The following GRID2 variants were observed in gnomAD, a reference collection of about 807,000 sequenced individuals.
GRID2 encodes the protein glutamate receptor ionotropic, delta-2.
GRID2 carries 33 observed loss-of-function variants against 114.8 expected under a neutral mutation model. The observed-to-expected ratio is 0.29, with a 90% CI of 0.22 to 0.38. The LOEUF is 0.38. Ranked by LOEUF, GRID2 falls within the 10% of genes least tolerant of loss-of-function variation. The pLI, the probability that GRID2 is intolerant of heterozygous loss-of-function variation, is 1.00. For synonymous variants in GRID2, 505 were observed against 449.9 expected (o/e 1.12, Z -1.55); for missense variants, 1,184 against 1,257.7 (o/e 0.94, Z 0.89).
chr4:93,400,892 A>G (rs1274308624), intron 9 of GRID2, among the ~76,000 whole-genome samples: 4 of 152,054 alleles, frequency 2.6e-5, no homozygotes, highest in African/African-American at 9.7e-5. Flanking sequence ...GCTGGAGTAC[A>G]GTGGCATGAT....
chr4:92,449,925 A>C (rs111824571), intron 1 of GRID2, among the ~76,000 whole-genome samples: 57 of 151,814 alleles, frequency 3.8e-4, no homozygotes, highest in African/African-American at 1.4e-3. Context: ...ATTTCAGAGA[A>C]AGCAATTAGA....
At chr4:92,947,434 A>G (rs946059026) in intron 2 of GRID2, among the ~76,000 whole-genome samples, 2 of 152,074 alleles carry the variant, frequency 1.3e-5, no homozygotes, top group East Asian at 1.9e-4. Context: ...AGATTTGTCA[A>G]TTTTCCATTT....
intron 13 of GRID2, among the ~76,000 whole-genome samples, chr4:93,527,670 T>C (rs114834925): frequency 0.034 from 5,238 of 152,174 alleles, 281 homozygotes; most frequent in African/African-American, 0.12. Context: ...CAAATTTTTA[T>C]TGAAATTTTA....
At chr4:93,156,527 T>C (rs1414690741) in intron 4 of GRID2, among the ~76,000 whole-genome samples, 1 of 151,794 alleles carries the variant, frequency 6.6e-6, no homozygotes, top group East Asian at 1.9e-4. Context: ...GATGTAGTGT[T>C]GACAGATCAT....
In GRID2 at chr4:92,596,221, T is replaced by TATTCATTCATTC. The variant is rs10546629; in HGVS notation, c.244+5954_244+5965dup. ...CTAGGAGATCATGTGGGTATGATTCTATTCATTCATTCATTCATTCATTCA... is the reference window on the plus strand; with the variant it reads ...CTAGGAGATCATGTGGGTATGATTCTATTCATTCATTCATTCATTCATTCATTCATTCATTCA... On this transcript the variant is annotated intron_variant, in intron 2 of 15. Transcript: ENST00000282020. Among the ~76,000 whole-genome samples, 3 of 151,222 alleles carry TATTCATTCATTC rather than the reference T, an allele frequency of 2.0e-5. No individual in the cohort carries two copies. In the South Asian group the frequency reaches 6.3e-4, roughly 32 times the overall value.
chr4:92,794,564 A>G (rs1223785575), intron 2 of GRID2, among the ~76,000 whole-genome samples: 1 of 151,858 alleles, frequency 6.6e-6, no homozygotes. Flanking sequence ...ATAAATAGTG[A>G]AACTAATTGA....
chr4:92,944,352 T>A lies in GRID2; in HGVS notation c.245-140643T>A, dbSNP rs562297561. 4.6e-5 allele frequency among the ~76,000 whole-genome samples: 7 copies of A among 152,304 alleles called. 1 individual carries two copies. The South Asian group carries it at 1.5e-3, about 32-fold the overall frequency. Reference sequence around the variant, plus strand: ...TGTGCTAGCAATGAGTGAGGCTCCGTGGGCATAGGACCCTCTGAGCCAGGT... The same window carrying A: ...TGTGCTAGCAATGAGTGAGGCTCCGAGGGCATAGGACCCTCTGAGCCAGGT... On this transcript the variant is annotated intron_variant, in intron 2 of 15. Transcript: ENST00000282020.
At chr4:92,952,698 T>C (rs1752119918) in intron 2 of GRID2, among the ~76,000 whole-genome samples, 1 of 152,214 alleles carries the variant, frequency 6.6e-6, no homozygotes, top group Non-Finnish European at 1.5e-5. Context: ...AGTCAAGTAG[T>C]AGTATCTTTC....
At chr4:92,531,986 TTATAAAAG>T (rs1725381681) in intron 1 of GRID2, among the ~76,000 whole-genome samples, 1 of 152,104 alleles carries the variant, frequency 6.6e-6, no homozygotes, top group African/African-American at 2.4e-5. Context: ...ACACAGGATT[TTATAAAAG>T]TATAAAAGAT....
chr4:92,718,902 A>G (rs1338523961), intron 2 of GRID2, among the ~76,000 whole-genome samples: 1 of 152,022 alleles, frequency 6.6e-6, no homozygotes. Context: ...TACAAAACAA[A>G]CAATTTATTG....
chr4:93,332,416 T>C (rs1378621965), intron 8 of GRID2, among the ~76,000 whole-genome samples: 1 of 151,944 alleles, frequency 6.6e-6, no homozygotes, highest in African/African-American at 2.4e-5. Context: ...ATCCCCTTTC[T>C]GTATCCACGC....
intron 9 of GRID2, among the ~76,000 whole-genome samples, chr4:93,413,309 T>C (rs572607629): frequency 1.3e-5 from 2 of 152,324 alleles, no homozygotes; most frequent in South Asian, 4.1e-4. Context: ...TGAGATAATA[T>C]CTCATTGTGG....
At chr4:93,123,618 A>G (rs1733994057) in intron 4 of GRID2, among the ~76,000 whole-genome samples, 1 of 152,170 alleles carries the variant, frequency 6.6e-6, no homozygotes, top group South Asian at 2.1e-4. Context: ...AAACCATAAG[A>G]ACAGACACAG....
chr4:92,727,831 T>C (rs927462775), intron 2 of GRID2, among the ~76,000 whole-genome samples: 4 of 152,032 alleles, frequency 2.6e-5, no homozygotes, highest in Non-Finnish European at 5.9e-5. Context: ...ATTACTAGTA[T>C]CTCCATTTTA....
intron 2 of GRID2, among the ~76,000 whole-genome samples, chr4:92,929,071 CTTT>C (rs1199474433): frequency 6.6e-6 from 1 of 151,296 alleles, no homozygotes; most frequent in Non-Finnish European, 1.5e-5. Context: ...AGTATATCTT[CTTT>C]TTATGTTTAT....
intron 6 of GRID2, among the ~76,000 whole-genome samples, chr4:93,222,588 T>C (rs993933806): frequency 3.3e-5 from 5 of 152,054 alleles, no homozygotes; most frequent in African/African-American, 9.6e-5. Context: ...TTACATTAGG[T>C]ATATCTTCTA....
chr4:92,873,007 A>G (rs1384909275), intron 2 of GRID2, among the ~76,000 whole-genome samples: 2 of 152,210 alleles, frequency 1.3e-5, no homozygotes, highest in African/African-American at 4.8e-5. Flanking sequence ...CCCAAGATGG[A>G]ATTGCTTTAG....
At chr4:92,884,358 T>C (rs1434453678) in intron 2 of GRID2, among the ~76,000 whole-genome samples, 1 of 152,188 alleles carries the variant, frequency 6.6e-6, no homozygotes, top group Admixed American at 6.5e-5. Context: ...AAGCCTTCTC[T>C]ATATCATCAA....
intron 1 of GRID2, among the ~76,000 whole-genome samples, chr4:92,359,212 T>C (rs1183316744): frequency 1.3e-5 from 2 of 151,972 alleles, no homozygotes; most frequent in Non-Finnish European, 2.9e-5. Flanking sequence ...AGTGTTCTCA[T>C]GTGACTTCTA....
Sources: allele counts gnomAD v4.1 joint callset (sites outside exome capture counted in the v4.1 genomes callset), GRCh38; gene constraint gnomAD v4.1.1; transcripts MANE v1.5; gene names NCBI Gene and HGNC (gene_info 2026-07-23, HGNC 2026-07-21).